GLIS3: variants seen among roughly 807,000 people sequenced by gnomAD.
The protein encoded by GLIS3 is GLIS family zinc finger 3, also known as zinc finger protein GLIS3.
Under a neutral mutation model 78.6 loss-of-function variants are expected in GLIS3, and 53 were observed. The observed-to-expected ratio is 0.67, with a 90% CI of 0.54 to 0.85. GLIS3 has a LOEUF of 0.85. Ranked by LOEUF, GLIS3 falls within the 40% of genes least tolerant of loss-of-function variation. GLIS3 has a pLI of 0.00. For synonymous variants in GLIS3, 684 were observed against 509.9 expected (o/e 1.34, Z -4.60); for missense variants, 1,703 against 1,231.1 (o/e 1.38, Z -5.74).
chr9:3,837,325 G>A (rs1461494397), intron 9 of GLIS3, among the ~76,000 whole-genome samples: 1 of 152,170 alleles, frequency 6.6e-6, no homozygotes, highest in Non-Finnish European at 1.5e-5. Flanking sequence ...CTCTTTCACT[G>A]CAAAATGGTA....
rs548611659 is a variant in GLIS3, at chr9:4,209,018, G to C, written c.388+77020C>G. ...CCATAAATGTACATTTTCACATAAAGTTGCATCCATGCTACTGCTCATGCC... is the reference window on the plus strand; with the variant it reads ...CCATAAATGTACATTTTCACATAAACTTGCATCCATGCTACTGCTCATGCC... On this transcript the variant is annotated intron_variant, in intron 2 of 10. Transcript: ENST00000381971. Among the ~76,000 whole-genome samples, 4 of 152,240 alleles carry C rather than the reference G, an allele frequency of 2.6e-5. No individual in the cohort carries two copies. The East Asian group carries it at 5.8e-4, about 22-fold the overall frequency.
At chr9:4,411,805 C>G in the GLIS3 span, among the ~76,000 whole-genome samples, 1 of 152,202 alleles carries the variant, frequency 6.6e-6, no homozygotes, top group Admixed American at 6.5e-5. Context: ...TTTTTCTCTG[C>G]AATCCTCTTC....
chr9:4,471,855 C>T, the GLIS3 span, among the ~76,000 whole-genome samples: 1 of 152,142 alleles, frequency 6.6e-6, no homozygotes, highest in East Asian at 1.9e-4. Flanking sequence ...GCAATCTACC[C>T]GTCTGACAGA....
chr9:4,126,116 C>A (rs781128800), intron 2 of GLIS3, among the ~76,000 whole-genome samples, 175 bp from the exon 3 acceptor site: 1 of 151,912 alleles, frequency 6.6e-6, no homozygotes, highest in East Asian at 1.9e-4. Context: ...AAAGCCATAA[C>A]GCTATAATAG....
At chr9:4,040,335 T>C (rs536222429) in intron 4 of GLIS3, among the ~76,000 whole-genome samples, 22 of 151,200 alleles carry the variant, frequency 1.5e-4, no homozygotes, top group Middle Eastern at 3.4e-3. Flanking sequence ...TATAGTCCCC[T>C]AGTTACAAAG....
intron 4 of GLIS3, among the ~76,000 whole-genome samples, chr9:4,111,392 G>C (rs183227633): frequency 3.3e-5 from 5 of 152,282 alleles, no homozygotes; most frequent in East Asian, 3.9e-4. Context: ...GCTTTGAAAT[G>C]TTTGCCCAAA....
At chr9:4,003,414 A>C (rs960778016) in intron 4 of GLIS3, among the ~76,000 whole-genome samples, 5 of 152,190 alleles carry the variant, frequency 3.3e-5, no homozygotes, top group African/African-American at 1.2e-4. Context: ...GAAGGAATTT[A>C]AACCTGAACT....
At chr9:4,100,287 T>C (rs1564049168) in intron 4 of GLIS3, among the ~76,000 whole-genome samples, 1 of 152,134 alleles carries the variant, frequency 6.6e-6, no homozygotes. Flanking sequence ...CCACACACTA[T>C]CCTAGTCATT....
chr9:4,177,616 A>G (rs1816927195), intron 2 of GLIS3, among the ~76,000 whole-genome samples: 1 of 152,208 alleles, frequency 6.6e-6, no homozygotes, highest in Non-Finnish European at 1.5e-5. Context: ...TTGATTTCTA[A>G]GATCTATTTT....
intron 2 of GLIS3, among the ~76,000 whole-genome samples, chr9:4,203,905 G>C (rs2131273318): frequency 6.6e-6 from 1 of 152,324 alleles, no homozygotes; most frequent in Non-Finnish European, 1.5e-5. Flanking sequence ...GAGCCAAACA[G>C]TGGGTACTCA....
chr9:4,143,309 G>C (rs1437377665), intron 2 of GLIS3, among the ~76,000 whole-genome samples: 1 of 152,068 alleles, frequency 6.6e-6, no homozygotes, highest in Non-Finnish European at 1.5e-5. Context: ...GCTCACACCT[G>C]TAATCCCAGC....
chr9:4,450,030 C>A, the GLIS3 span, among the ~76,000 whole-genome samples: 192 of 152,152 alleles, frequency 1.3e-3, no homozygotes, highest in Middle Eastern at 6.8e-3. Flanking sequence ...TTCAGAAGGT[C>A]GGTAATAACA....
chr9:4,350,825 G>C (rs1323330919), upstream of GLIS3, among the ~76,000 whole-genome samples: 2 of 149,886 alleles, frequency 1.3e-5, no homozygotes, highest in African/African-American at 4.9e-5. Flanking sequence ...GTTTTTGTTT[G>C]TTTTTGTTTT....
At position 4,047,404 on chromosome 9, in the gene GLIS3, T is replaced by A. The variant is rs879867235; in HGVS notation, c.1710+70364A>T. Among the ~76,000 whole-genome samples, 100 of 152,314 alleles carry A rather than the reference T, an allele frequency of 6.6e-4. 1 individual carries two copies. The highest frequency in any genetic ancestry group is 8.8e-4 in the Non-Finnish European group (60 of 68,004). ...ATTGGGTAATCTTTTAAGGTCCTTT[T>A]AAATCTTAAGAATCTTTATTTTTAT... On this transcript the variant is annotated intron_variant, in intron 4 of 10. Coordinates refer to ENST00000381971, the MANE Select transcript of GLIS3 (RefSeq NM_001042413.2).
At chr9:4,405,367 A>G in the GLIS3 span, among the ~76,000 whole-genome samples, 31 of 151,868 alleles carry the variant, frequency 2.0e-4, no homozygotes, top group Non-Finnish European at 4.4e-4. Context: ...AAAAAAAAGA[A>G]AAAGAAAAAG....
At chr9:3,828,694 T>C (rs1817865038) in intron 10 of GLIS3, among the ~76,000 whole-genome samples, 1 of 152,044 alleles carries the variant, frequency 6.6e-6, no homozygotes, top group South Asian at 2.1e-4. Context: ...GGAGCTGGTG[T>C]TAAGGTTGAG....
the GLIS3 span, among the ~76,000 whole-genome samples, chr9:4,400,513 T>C: frequency 2.0e-5 from 3 of 152,234 alleles, no homozygotes; most frequent in Non-Finnish European, 4.4e-5. Context: ...GATTATAGAT[T>C]AGCCATTTCT....
the GLIS3 span, among the ~76,000 whole-genome samples, chr9:4,410,476 G>A: frequency 2.0e-5 from 3 of 152,130 alleles, no homozygotes; most frequent in Non-Finnish European, 4.4e-5. Flanking sequence ...AAGAATTCAT[G>A]CATCTATTGA....
chr9:3,940,402 G>A (rs778201380), intron 4 of GLIS3, among the ~76,000 whole-genome samples: 29 of 152,144 alleles, frequency 1.9e-4, no homozygotes, highest in Admixed American at 7.8e-4. Flanking sequence ...CTTTCTCATC[G>A]AGGTTCCTAA....
Sources: allele counts gnomAD v4.1 joint callset (sites outside exome capture counted in the v4.1 genomes callset), GRCh38; gene constraint gnomAD v4.1.1; transcripts MANE v1.5; gene names NCBI Gene and HGNC (gene_info 2026-07-23, HGNC 2026-07-21).